The following ACYP2 variants were observed in gnomAD, a reference collection of about 807,000 sequenced individuals.
ACYP2 encodes acylphosphatase-2.
In ACYP2, 12 loss-of-function variants were observed where a neutral mutation model predicts 11.2. The observed-to-expected ratio is 1.08, with a 90% CI of 0.69 to 1.74. The LOEUF is 1.74. Ranked by LOEUF, ACYP2 falls within the 40% of genes most tolerant of loss-of-function variation. ACYP2 has a pLI of 0.00. For missense variants in ACYP2, 134 were observed against 101.9 expected, an observed-to-expected ratio of 1.31 and a Z score of -1.35; for synonymous variants, 43 against 32.2, an observed-to-expected ratio of 1.33 and a Z score of -1.13.
chr2:54,039,819 TTGTGTGTGTGTGTGTG>T (rs751604890), intron 2 of ACYP2, among the ~76,000 whole-genome samples: 40 of 126,684 alleles, frequency 3.2e-4, no homozygotes, highest in East Asian at 2.0e-3. Flanking sequence ...TTGTTTTCTT[TTGTGTGTGTGTGTGTG>T]TGTGTGTGTG....
chr2:54,218,741 T>C (rs2103944812), intron 6 of ACYP2, among the ~76,000 whole-genome samples: 1 of 152,274 alleles, frequency 6.6e-6, no homozygotes, highest in South Asian at 2.1e-4. Flanking sequence ...GTCCTTAACA[T>C]GTAGCTTTTG....
At chr2:54,218,720 C>T (rs1430903418) in intron 6 of ACYP2, among the ~76,000 whole-genome samples, 1 of 151,100 alleles carries the variant, frequency 6.6e-6, no homozygotes, top group Non-Finnish European at 1.5e-5. Flanking sequence ...ATCAGTGTCC[C>T]CAGTTTTTCT....
intron 2 of ACYP2, among the ~76,000 whole-genome samples, chr2:53,986,909 G>T (rs1672064481): frequency 6.6e-6 from 1 of 152,132 alleles, no homozygotes. Flanking sequence ...ATAGGTGTGA[G>T]CCACCGCACC....
chr2:54,166,318 G>C (rs1019807591), intron 6 of ACYP2, among the ~76,000 whole-genome samples: 4 of 152,218 alleles, frequency 2.6e-5, no homozygotes, highest in African/African-American at 9.6e-5. Context: ...CAGGCAGAGT[G>C]TTGGGAACTG....
intron 6 of ACYP2, among the ~76,000 whole-genome samples, chr2:54,201,632 C>CT (rs1190292116): frequency 1.3e-5 from 1 of 74,366 alleles, no homozygotes; most frequent in South Asian, 5.3e-4. Context: ...TTGTTTCTTT[C>CT]TTTCTCTTTC....
At chr2:54,013,253 ATATGTGTGTGTG>A (rs1476746941) in intron 2 of ACYP2, among the ~76,000 whole-genome samples, 9 of 24,180 alleles carry the variant, frequency 3.7e-4, no homozygotes, top group African/African-American at 2.6e-3. Context: ...CCACCATCTA[ATATGTGTGTGTG>A]TGTGTGTGTG....
intron 6 of ACYP2, among the ~76,000 whole-genome samples, chr2:54,158,523 T>TTAC (rs1682546354): frequency 6.6e-6 from 1 of 151,880 alleles, no homozygotes; most frequent in African/African-American, 2.4e-5. Context: ...CTTTTGATTA[T>TTAC]CACCATGCAC....
chr2:54,226,311 T>C (rs1434436762), intron 6 of ACYP2, among the ~76,000 whole-genome samples: 1 of 152,186 alleles, frequency 6.6e-6, no homozygotes, highest in Non-Finnish European at 1.5e-5. Context: ...TTCAAAGATA[T>C]TGAGCGTCTG....
At chr2:54,035,398 TG>T (rs1573571495) in intron 2 of ACYP2, among the ~76,000 whole-genome samples, 1 of 151,678 alleles carries the variant, frequency 6.6e-6, no homozygotes. Flanking sequence ...TCCGAGTAGC[TG>T]GGAGTACAGG....
At chr2:54,266,133 C>T (rs1688006619) in intron 6 of ACYP2, among the ~76,000 whole-genome samples, 1 of 152,136 alleles carries the variant, frequency 6.6e-6, no homozygotes, top group Admixed American at 6.5e-5. Context: ...AATTACAGAA[C>T]ACCTTCAAAA....
intron 2 of ACYP2, among the ~76,000 whole-genome samples, chr2:53,982,828 C>CTGTGTGTGTGTGTGTGTGTG (rs3066946): frequency 1.3e-4 from 18 of 140,522 alleles, no homozygotes; most frequent in African/African-American, 3.8e-4. Flanking sequence ...TCACACAAGA[C>CTGTGTGTGTGTGTGTGTGTG]TGTGTGTGTG....
chr2:54,076,121 C>G (rs1256686024), intron 4 of ACYP2, among the ~76,000 whole-genome samples: 1 of 152,124 alleles, frequency 6.6e-6, no homozygotes, highest in Non-Finnish European at 1.5e-5. Context: ...TGCATAATTA[C>G]TGCTTAGTTT....
chr2:53,973,704 C>T lies in ACYP2; in HGVS notation c.-36-9C>T. 1 of 284,168 alleles carries T rather than the reference C, an allele frequency of 3.5e-6. No individual in the cohort carries two copies. The highest frequency in any genetic ancestry group is 6.5e-6 in the Non-Finnish European group (1 of 154,078). The allele number at this position is 284,168 out of a possible 1,614,324, so 17.6% of individuals were successfully genotyped here. ...TAATCCCAACACCCTTTGCTGACTC[C>T]TTTTTCAGACTCAGCCTGCCTGCAC... On this transcript the variant is annotated splice_polypyrimidine_tract_variant and intron_variant, in intron 1 of 6. Transcript: ENST00000607452.
rs1458821122 is a variant in ACYP2 at position 54,057,282 on chromosome 2, A to G, written c.199A>G (p.Ile67Val). Reference sequence around the variant, plus strand: ...ATCAGAGTTTGGTTTTGGTCAAGTCATAATTGTGAGTGAAGAACCATGGAA... The same window carrying G: ...ATCAGAGTTTGGTTTTGGTCAAGTCGTAATTGTGAGTGAAGAACCATGGAA... The change falls in exon 4 of 7, where the codon ATA (isoleucine) becomes GTA (valine). Residue 67 changes from isoleucine to valine, a missense_variant. Ile to Val is a conservative substitution (Grantham distance 29). Coordinates refer to ENST00000607452, the MANE Select transcript of ACYP2 (RefSeq NM_001320586.2). 1.3e-5 allele frequency: 5 copies of G among 397,998 alleles called. No homozygotes were observed. Among genetic ancestry groups the G allele is most frequent in the South Asian group, 1.3e-4 (1 of 7,858 alleles). The allele number at this position is 397,998 out of a possible 1,614,324, so 24.7% of individuals were successfully genotyped here. A position where few individuals can be genotyped will look rare whatever the true frequency, so the allele number is the denominator to read the frequency against.
intron 6 of ACYP2, among the ~76,000 whole-genome samples, chr2:54,143,764 G>C (rs1211962634): frequency 3.1e-5 from 4 of 127,146 alleles, no homozygotes; most frequent in Admixed American, 7.9e-5. Flanking sequence ...TTTTGGGGGG[G>C]GGGTATTCTA....
At chr2:54,081,094 G>T (rs1434085856) in intron 4 of ACYP2, among the ~76,000 whole-genome samples, 1 of 152,044 alleles carries the variant, frequency 6.6e-6, no homozygotes, top group South Asian at 2.1e-4. Context: ...TGAGTTCATC[G>T]TATTTTTATA....
At chr2:54,127,584 C>A (rs1680606799) in intron 4 of ACYP2, among the ~76,000 whole-genome samples, 1 of 151,538 alleles carries the variant, frequency 6.6e-6, no homozygotes, top group African/African-American at 2.4e-5. Context: ...ACAAAAATTA[C>A]AAAAATACAA....
At chr2:54,128,270 C>G (rs1419102648) in intron 4 of ACYP2, among the ~76,000 whole-genome samples, 1 of 152,140 alleles carries the variant, frequency 6.6e-6, no homozygotes, top group Admixed American at 6.5e-5. Context: ...TGGACAGATC[C>G]CTGATCAAGA....
intron 2 of ACYP2, among the ~76,000 whole-genome samples, chr2:53,987,146 T>C (rs1412416862): frequency 6.6e-6 from 1 of 152,188 alleles, no homozygotes; most frequent in Non-Finnish European, 1.5e-5. Context: ...ATTTGTGATA[T>C]GAGAGGTTCA....
Sources: gnomAD v4.1 joint callset for allele counts (sites outside exome capture counted in the v4.1 genomes callset) on GRCh38, gnomAD v4.1.1 for gene constraint, MANE v1.5 for transcripts, NCBI Gene and HGNC (gene_info 2026-07-23, HGNC 2026-07-21) for gene names.